The following ASAP1 variants were observed in gnomAD, a reference collection of about 807,000 sequenced individuals.
ASAP1 encodes the protein ArfGAP with SH3 domain, ankyrin repeat and PH domain 1.
A neutral mutation model predicts 145.2 loss-of-function variants in ASAP1; 43 were observed. The observed-to-expected ratio is 0.30, with a 90% CI of 0.23 to 0.38. ASAP1 has a LOEUF of 0.38. Among genes scored for constraint, ASAP1 ranks in the 10% least tolerant of loss-of-function variants. The pLI, the probability that ASAP1 is intolerant of heterozygous loss-of-function variation, is 1.00. For missense variants in ASAP1, 1,018 were observed against 1,355.3 expected, an observed-to-expected ratio of 0.75 and a Z score of 3.91; for synonymous variants, 546 against 515.5, an observed-to-expected ratio of 1.06 and a Z score of -0.80.
chr8:130,190,643 G>C (rs1219839977), intron 5 of ASAP1, among the ~76,000 whole-genome samples: 1 of 152,048 alleles, frequency 6.6e-6, no homozygotes, highest in East Asian at 1.9e-4. Flanking sequence ...TCAGCCTCCT[G>C]AATAGCTGGG....
intron 11 of ASAP1, among the ~76,000 whole-genome samples, chr8:130,164,225 T>C (rs2097675473): frequency 6.6e-6 from 1 of 152,200 alleles, no homozygotes; most frequent in African/African-American, 2.4e-5. Context: ...CATAAGTGAA[T>C]TCAAACAAAA....
intron 10 of ASAP1, 106 bp from the exon 11 acceptor site, chr8:130,167,728 T>G (rs1432695874): frequency 1.3e-5 from 11 of 816,156 alleles, no homozygotes; most frequent in Non-Finnish European, 2.0e-5. Context: ...ATATTTGGTT[T>G]TCTTACTAAA....
rs185843121 is a variant in ASAP1 at position 130,193,404 on chromosome 8, C to A, written c.406-5221G>T. 5.1e-3 allele frequency among the ~76,000 whole-genome samples: 777 copies of A among 151,380 alleles called. 9 individuals are homozygous for A. The highest frequency in any genetic ancestry group is 0.027 in the Admixed American group (406 of 15,202). On this transcript the variant is annotated intron_variant, in intron 5 of 29. Transcript: ENST00000518721. ...CCCAAAAAACAAAAGACAAAAAAAACCCCCAAAAAACTCTCTGCTTTAATT... is the reference window on the plus strand; with the variant it reads ...CCCAAAAAACAAAAGACAAAAAAAAACCCCAAAAAACTCTCTGCTTTAATT...
At chr8:130,392,787 G>C (rs35865490) in intron 2 of ASAP1, among the ~76,000 whole-genome samples, 9,475 of 152,132 alleles carry the variant, frequency 0.062, 290 homozygotes, top group Middle Eastern at 0.12. Flanking sequence ...AGATCAGATG[G>C]TGAGAGAAGG....
chr8:130,187,980 C>G (rs1814855429), intron 6 of ASAP1, 129 bp downstream of exon 6: 1 of 715,844 alleles, frequency 1.4e-6, no homozygotes, highest in Non-Finnish European at 2.4e-6. Flanking sequence ...GATCATTTTC[C>G]AAGAGCATTT....
intron 15 of ASAP1, among the ~76,000 whole-genome samples, chr8:130,132,262 G>A (rs999127393): frequency 2.0e-5 from 3 of 152,168 alleles, no homozygotes; most frequent in African/African-American, 7.2e-5. Flanking sequence ...CATTTAGCAC[G>A]TAACATCTCA....
intron 3 of ASAP1, among the ~76,000 whole-genome samples, chr8:130,301,275 T>C (rs566698527): frequency 6.6e-6 from 1 of 152,310 alleles, no homozygotes; most frequent in East Asian, 1.9e-4. Flanking sequence ...GCTTTCTTTA[T>C]GTACACTGAA....
intron 4 of ASAP1, among the ~76,000 whole-genome samples, chr8:130,229,113 A>G (rs546149239): frequency 1.4e-4 from 22 of 152,234 alleles, no homozygotes; most frequent in South Asian, 4.1e-4. Flanking sequence ...CTGATTATCA[A>G]TGAAAACCAG....
chr8:130,150,741 G>A (rs1455879339), intron 13 of ASAP1, among the ~76,000 whole-genome samples: 1 of 152,134 alleles, frequency 6.6e-6, no homozygotes, highest in South Asian at 2.1e-4. Context: ...TTAGCTGGGC[G>A]TGGTGAAGTG....
At chr8:130,336,498 G>T (rs1175157292) in intron 3 of ASAP1, among the ~76,000 whole-genome samples, 1 of 152,154 alleles carries the variant, frequency 6.6e-6, no homozygotes, top group Admixed American at 6.5e-5. Flanking sequence ...ATAAAGACAA[G>T]GCAATAAACC....
chr8:130,441,837 C>A (rs1050465472), intron 1 of ASAP1, among the ~76,000 whole-genome samples: 2 of 152,156 alleles, frequency 1.3e-5, no homozygotes, highest in Non-Finnish European at 2.9e-5. Context: ...CCATTCAGAG[C>A]TCTCATGAGA....
At chr8:130,095,531 C>G (rs2135449670) in intron 24 of ASAP1, among the ~76,000 whole-genome samples, 1 of 151,686 alleles carries the variant, frequency 6.6e-6, no homozygotes, top group East Asian at 1.9e-4. Flanking sequence ...GAACTCCCAA[C>G]CTCAAGTGAT....
At chr8:130,090,660 T>C (rs1564947083) in intron 25 of ASAP1, among the ~76,000 whole-genome samples, 1 of 152,204 alleles carries the variant, frequency 6.6e-6, no homozygotes, top group Admixed American at 6.5e-5. Context: ...CTCTAATGAC[T>C]TACCCACGTG....
intron 1 of ASAP1, among the ~76,000 whole-genome samples, chr8:130,433,560 C>T (rs776094828): frequency 1.2e-4 from 18 of 152,194 alleles, no homozygotes; most frequent in Non-Finnish European, 2.1e-4. Context: ...CTCTTCTATT[C>T]AACTGGAAGG....
chr8:130,413,829 C>A (rs1203785329), intron 1 of ASAP1, among the ~76,000 whole-genome samples: 1 of 152,174 alleles, frequency 6.6e-6, no homozygotes, highest in African/African-American at 2.4e-5. Context: ...CTAATGAGTG[C>A]CGATTATGTT....
rs1023505914 is a variant in ASAP1 at position 130,357,962 on chromosome 8, C to T, written c.186+55G>A. 45 of 1,550,756 alleles carry T rather than the reference C, an allele frequency of 2.9e-5. No homozygotes were observed. In the African/African-American group the frequency reaches 5.4e-4, roughly 19 times the overall value. ...CTCCCAGCTCGGAGAGGAGATCCTC[C>T]AGCTGCGCGGCGGCAGCGGCGAGCG... On this transcript the variant is annotated intron_variant, in intron 3 of 29. Transcript: ENST00000518721.
chr8:130,266,819 T>C (rs550457127), intron 3 of ASAP1, among the ~76,000 whole-genome samples: 130 of 151,966 alleles, frequency 8.6e-4, no homozygotes, highest in African/African-American at 2.9e-3. Context: ...TAAATACACA[T>C]TAAGCAGGTC....
intron 3 of ASAP1, among the ~76,000 whole-genome samples, chr8:130,271,675 T>C (rs1820595677): frequency 6.6e-6 from 1 of 152,198 alleles, no homozygotes; most frequent in Non-Finnish European, 1.5e-5. Flanking sequence ...TGTTAAACTA[T>C]AAACGATGGG....
At chr8:130,311,891 A>C (rs1823376750) in intron 3 of ASAP1, among the ~76,000 whole-genome samples, 1 of 151,218 alleles carries the variant, frequency 6.6e-6, no homozygotes, top group East Asian at 1.9e-4. Context: ...AACAAAAACA[A>C]CTCAAAAAAA....
Sources: gnomAD v4.1 joint callset for allele counts (sites outside exome capture counted in the v4.1 genomes callset) on GRCh38, gnomAD v4.1.1 for gene constraint, MANE v1.5 for transcripts, NCBI Gene and HGNC (gene_info 2026-07-23, HGNC 2026-07-21) for gene names.